The following CPS1 variants were observed in gnomAD, a reference collection of about 807,000 sequenced individuals.
CPS1 encodes the protein carbamoyl-phosphate synthase 1.
Under a neutral mutation model 174.6 loss-of-function variants are expected in CPS1, and 109 were observed. The observed-to-expected ratio is 0.62, with a 90% CI of 0.53 to 0.73. The LOEUF is 0.73. Among genes scored for constraint, CPS1 ranks in the 30% least tolerant of loss-of-function variants. The pLI is 0.00. For missense variants in CPS1, 1,689 were observed against 1,821.9 expected, an observed-to-expected ratio of 0.93 and a Z score of 1.33; for synonymous variants, 637 against 632.0, an observed-to-expected ratio of 1.01 and a Z score of -0.12.
At chr2:210,651,901 A>G (rs11686101) in intron 28 of CPS1, among the ~76,000 whole-genome samples, 18,949 of 152,220 alleles carry the variant, frequency 0.12, 1,257 homozygotes, top group Middle Eastern at 0.2. Context: ...AAAGAAAGAT[A>G]TGGTCTCTAC....
intron 7 of CPS1, 145 bp downstream of exon 7, chr2:210,588,292 T>C (rs539304964): frequency 1.3e-6 from 1 of 763,238 alleles, no homozygotes; most frequent in East Asian, 2.7e-5. Context: ...ATTTACAAAA[T>C]AACACATTTA....
At chr2:210,543,947 G>A (rs1401332293) in intron 1 of CPS1, among the ~76,000 whole-genome samples, 1 of 152,072 alleles carries the variant, frequency 6.6e-6, no homozygotes, top group African/African-American at 2.4e-5. Flanking sequence ...TCAGCACTGG[G>A]ACATGAGAGG....
intron 37 of CPS1, 141 bp from the exon 38 acceptor site, chr2:210,677,746 C>T (rs966567160): frequency 1.5e-5 from 12 of 776,246 alleles, no homozygotes; most frequent in Non-Finnish European, 4.8e-6. Context: ...GAGAAAGTCT[C>T]CATTACATAA....
chr2:210,590,029 A>T (rs1424194634), intron 7 of CPS1, 77 bp from the exon 8 acceptor site: 3 of 1,583,842 alleles, frequency 1.9e-6, no homozygotes. Context: ...ATGGTTAGTC[A>T]AGAGAAAGTC....
chr2:210,585,781 G>A (rs994386926), intron 6 of CPS1, among the ~76,000 whole-genome samples: 2 of 151,798 alleles, frequency 1.3e-5, no homozygotes, highest in Admixed American at 6.6e-5. Context: ...GCAGAGTAAG[G>A]ATTCAAGAAT....
chr2:210,592,827 C>A (rs1698351915), intron 10 of CPS1, 52 bp from the exon 11 acceptor site: 1 of 1,513,938 alleles, frequency 6.6e-7, no homozygotes. Flanking sequence ...CATAGCCACA[C>A]TTGACATTCA....
At chr2:210,628,233 G>A (rs921571243) in intron 21 of CPS1, among the ~76,000 whole-genome samples, 13 of 152,036 alleles carry the variant, frequency 8.6e-5, no homozygotes, top group Admixed American at 4.6e-4. Context: ...CAAGTGGATG[G>A]TAATTTTTGC....
chr2:210,564,670 C>T (rs954094419), intron 1 of CPS1, among the ~76,000 whole-genome samples: 2 of 152,128 alleles, frequency 1.3e-5, no homozygotes, highest in African/African-American at 4.8e-5. Flanking sequence ...GCCACCGCGC[C>T]CGGCCTAGAA....
At chr2:210,614,209 G>A (rs1472198438) in intron 20 of CPS1, among the ~76,000 whole-genome samples, 4 of 151,954 alleles carry the variant, frequency 2.6e-5, no homozygotes, top group Non-Finnish European at 5.9e-5. Flanking sequence ...ACATAGCAAA[G>A]CTGCAGTGCT....
intron 9 of CPS1, 128 bp downstream of exon 9, chr2:210,591,034 T>C (rs946590771): frequency 3.8e-5 from 11 of 291,988 alleles, no homozygotes; most frequent in Non-Finnish European, 6.9e-5. Context: ...AAACTTAAAG[T>C]ATAATAAAAA....
At position 210,512,466 on chromosome 2, in the gene CPS1, T is replaced by G. The variant is rs190528521; in HGVS notation, c.3+34700T>G. 9.1e-4 allele frequency among the ~76,000 whole-genome samples: 139 copies of G among 152,068 alleles called. No homozygotes were observed. The Middle Eastern group carries it at 0.01, about 11-fold the overall frequency. On this transcript the variant is annotated intron_variant, in intron 1 of 38. Transcript: ENST00000430249. ...TAAGAACATGCAGTATTTGGTTTTT[T>G]GTTCCTGCATTAATTCATTTAGGAT...
chr2:210,640,049 A>G lies in CPS1; in HGVS notation c.2949A>G (p.Pro983=). 1 of 1,601,274 alleles carries G rather than the reference A, an allele frequency of 6.2e-7. No individual in the cohort carries two copies. Among genetic ancestry groups the G allele is most frequent in the Non-Finnish European group, 8.6e-7 (1 of 1,168,900 alleles). ...DHGMMVLGCG[P]YHIGSSVEFD... ...GAATGATGGTGCTAGGCTGTGGTCC[A>G]TATCACATTGGTAAAATAATAAATT... is the stretch of plus-strand genomic sequence containing the variant. Residue 983 remains proline (P), a synonymous_variant, in exon 24 of 38, where the codon CCA becomes CCG. Transcript: ENST00000233072.
intron 1 of CPS1, among the ~76,000 whole-genome samples, chr2:210,504,202 C>T (rs1186461512): frequency 3.3e-5 from 5 of 152,072 alleles, no homozygotes; most frequent in Non-Finnish European, 7.4e-5. Context: ...GGTGTGTGTC[C>T]ACCCGTGAAG....
At chr2:210,585,354 A>G (rs774449680) in intron 6 of CPS1, among the ~76,000 whole-genome samples, 1 of 152,056 alleles carries the variant, frequency 6.6e-6, no homozygotes, top group African/African-American at 2.4e-5. Flanking sequence ...CATTATTAAT[A>G]TAATAAAATT....
At chr2:210,600,841 T>C in intron 15 of CPS1, 129 bp downstream of exon 15, 1 of 1,073,100 alleles carries the variant, frequency 9.3e-7, no homozygotes. Context: ...AGAATTGTGT[T>C]AATAGTTTAG....
intron 1 of CPS1, among the ~76,000 whole-genome samples, chr2:210,496,662 T>G (rs1481452075): frequency 6.6e-6 from 1 of 152,114 alleles, no homozygotes; most frequent in Non-Finnish European, 1.5e-5. Flanking sequence ...TACATAGAAC[T>G]TAACCTTAGT....
intron 1 of CPS1, among the ~76,000 whole-genome samples, chr2:210,516,720 C>T (rs1405301876): frequency 1.3e-5 from 2 of 151,940 alleles, no homozygotes; most frequent in Non-Finnish European, 2.9e-5. Flanking sequence ...ACATGGGCTA[C>T]TGGATCAGGT....
chr2:210,628,228 G>A (rs1699751729), intron 21 of CPS1, among the ~76,000 whole-genome samples: 1 of 152,070 alleles, frequency 6.6e-6, no homozygotes, highest in African/African-American at 2.4e-5. Context: ...AGTGTCAAGT[G>A]GATGGTAATT....
In CPS1 at chr2:210,654,670, A is replaced by T. The variant is rs147499613; in HGVS notation, c.3558+568A>T. On this transcript the variant is annotated intron_variant, in intron 29 of 37. Coordinates refer to ENST00000233072, the MANE Select transcript of CPS1 (RefSeq NM_001875.5). ...GAAGAATATTTTACTTTAGTTTTAT[A>T]GTTGTATTAATAATGCATTTGTGAC... Among the ~76,000 whole-genome samples, 10 of 152,320 alleles carry T rather than the reference A, an allele frequency of 6.6e-5. No individual in the cohort carries two copies. The East Asian group carries it at 1.9e-3, about 29-fold the overall frequency.
Sources: gnomAD v4.1 joint callset for allele counts (sites outside exome capture counted in the v4.1 genomes callset) on GRCh38, gnomAD v4.1.1 for gene constraint, MANE v1.5 for transcripts, NCBI Gene and HGNC (gene_info 2026-07-23, HGNC 2026-07-21) for gene names.